CHSY3: variants seen among roughly 807,000 people sequenced by gnomAD.
CHSY3 encodes N-acetylgalactosaminyl-proteoglycan 3-beta-glucuronosyltransferase 3.
A neutral mutation model predicts 67.2 loss-of-function variants in CHSY3; 35 were observed. The ratio of observed to expected loss-of-function variants is 0.52; its 90% CI spans 0.40 to 0.69. CHSY3 has a LOEUF of 0.69. Among genes scored for constraint, CHSY3 ranks in the 30% least tolerant of loss-of-function variants. The pLI, the probability that CHSY3 is intolerant of heterozygous loss-of-function variation, is 0.00. For missense variants in CHSY3, 1,069 were observed against 1,138.5 expected, an observed-to-expected ratio of 0.94 and a Z score of 0.88; for synonymous variants, 474 against 434.7, an observed-to-expected ratio of 1.09 and a Z score of -1.12.
chr5:130,099,383 G>T (rs1476014009), intron 2 of CHSY3, among the ~76,000 whole-genome samples: 1 of 152,208 alleles, frequency 6.6e-6, no homozygotes. Flanking sequence ...GTTGTTAGTA[G>T]TGTGTCCTTT....
chr5:130,068,189 C>A (rs977911150), intron 2 of CHSY3, among the ~76,000 whole-genome samples: 3 of 152,118 alleles, frequency 2.0e-5, no homozygotes, highest in Admixed American at 1.3e-4. Flanking sequence ...AGAGCACCAC[C>A]AATTTCTGTT....
chr5:129,940,296 T>C (rs960797977), intron 2 of CHSY3, among the ~76,000 whole-genome samples: 2 of 152,196 alleles, frequency 1.3e-5, no homozygotes, highest in African/African-American at 2.4e-5. Context: ...GAAATTCTGA[T>C]TATTGAGTTA....
intron 2 of CHSY3, among the ~76,000 whole-genome samples, chr5:130,087,092 T>C (rs1766663459): frequency 6.6e-6 from 1 of 152,052 alleles, no homozygotes; most frequent in African/African-American, 2.4e-5. Flanking sequence ...TAATCCAGCA[T>C]ATAAACAGAA....
At chr5:129,921,022 G>A (rs771540365) in intron 2 of CHSY3, among the ~76,000 whole-genome samples, 3 of 152,090 alleles carry the variant, frequency 2.0e-5, no homozygotes, top group East Asian at 1.9e-4. Flanking sequence ...GTTTTGCCAC[G>A]TTATCCAGGC....
At chr5:130,156,427 T>C (rs1769376763) in intron 2 of CHSY3, among the ~76,000 whole-genome samples, 1 of 152,222 alleles carries the variant, frequency 6.6e-6, no homozygotes, top group Non-Finnish European at 1.5e-5. Context: ...TTCAAAGTGT[T>C]TTGTCTACTA....
chr5:130,013,036 T>C (rs761660029), intron 2 of CHSY3, among the ~76,000 whole-genome samples: 1 of 151,770 alleles, frequency 6.6e-6, no homozygotes, highest in Non-Finnish European at 1.5e-5. Flanking sequence ...ATTAGAGAAA[T>C]TGGCAAAAAC....
chr5:130,062,054 C>G (rs2149677081), intron 2 of CHSY3, among the ~76,000 whole-genome samples: 1 of 152,136 alleles, frequency 6.6e-6, no homozygotes, highest in Middle Eastern at 3.4e-3. Flanking sequence ...GGTATCTACC[C>G]TAAGGAAAAG....
chr5:130,036,623 T>C (rs1764869983), intron 2 of CHSY3, among the ~76,000 whole-genome samples: 2 of 152,148 alleles, frequency 1.3e-5, no homozygotes, highest in South Asian at 4.1e-4. Context: ...AGATCTGGGC[T>C]CCAATCCTAG....
chr5:130,034,451 T>G (rs1052579741), intron 2 of CHSY3, among the ~76,000 whole-genome samples: 1 of 152,184 alleles, frequency 6.6e-6, no homozygotes, highest in Non-Finnish European at 1.5e-5. Context: ...AGCAACATTT[T>G]ATTATGAGCA....
intron 2 of CHSY3, among the ~76,000 whole-genome samples, chr5:130,035,899 T>A (rs1004503673): frequency 6.7e-6 from 1 of 148,438 alleles, no homozygotes; most frequent in African/African-American, 2.5e-5. Flanking sequence ...TTTTTTTTTT[T>A]TTTTTTTTTT....
intron 2 of CHSY3, among the ~76,000 whole-genome samples, chr5:130,012,984 T>C (rs1369593309): frequency 1.3e-5 from 2 of 151,906 alleles, no homozygotes; most frequent in African/African-American, 2.4e-5. Context: ...ACATCCTAGA[T>C]ACAATGAGGG....
intron 2 of CHSY3, among the ~76,000 whole-genome samples, chr5:130,098,776 G>A (rs767427569): frequency 6.6e-6 from 1 of 152,092 alleles, no homozygotes; most frequent in East Asian, 1.9e-4. Context: ...TGACCAAAGG[G>A]AATCATTAAG....
intron 2 of CHSY3, among the ~76,000 whole-genome samples, chr5:129,957,413 G>A (rs1016179645): frequency 7.2e-5 from 11 of 151,862 alleles, no homozygotes; most frequent in Non-Finnish European, 1.6e-4. Context: ...CTGCAAACAG[G>A]GATAGTTTGA....
chr5:129,913,367 A>G (rs1044636179), intron 2 of CHSY3, among the ~76,000 whole-genome samples: 1 of 152,216 alleles, frequency 6.6e-6, no homozygotes, highest in Non-Finnish European at 1.5e-5. Flanking sequence ...TGAGACTGAG[A>G]GGCATATTTA....
At chr5:130,084,581 T>C (rs1342663463) in intron 2 of CHSY3, among the ~76,000 whole-genome samples, 1 of 151,116 alleles carries the variant, frequency 6.6e-6, no homozygotes, top group African/African-American at 2.4e-5. Flanking sequence ...AGAGAGTAAT[T>C]GATCTTTTAA....
intron 2 of CHSY3, among the ~76,000 whole-genome samples, chr5:129,985,644 C>G (rs1215060934): frequency 6.6e-6 from 1 of 151,964 alleles, no homozygotes; most frequent in African/African-American, 2.4e-5. Context: ...GCTATTGATT[C>G]TTTCTATCCA....
At chr5:129,958,008 A>G (rs1161466031) in intron 2 of CHSY3, among the ~76,000 whole-genome samples, 2 of 151,966 alleles carry the variant, frequency 1.3e-5, no homozygotes, top group Non-Finnish European at 2.9e-5. Context: ...TGAGGTTTAT[A>G]TCCTGGCTGA....
intron 2 of CHSY3, among the ~76,000 whole-genome samples, chr5:129,917,433 A>C (rs931584418): frequency 2.6e-5 from 4 of 152,232 alleles, no homozygotes; most frequent in African/African-American, 9.6e-5. Flanking sequence ...GAGTCAATGC[A>C]AATAGCAGCA....
At chr5:129,981,399 T>C (rs1181893527) in intron 2 of CHSY3, among the ~76,000 whole-genome samples, 5 of 152,082 alleles carry the variant, frequency 3.3e-5, no homozygotes, top group Non-Finnish European at 7.4e-5. Context: ...GCTATAATCA[T>C]TTATTATTTC....
Sources: allele counts gnomAD v4.1 joint callset (sites outside exome capture counted in the v4.1 genomes callset), GRCh38; gene constraint gnomAD v4.1.1; transcripts MANE v1.5; gene names NCBI Gene and HGNC (gene_info 2026-07-23, HGNC 2026-07-21).